ARHGEF10L: variants seen among roughly 807,000 people sequenced by gnomAD.
The protein encoded by ARHGEF10L is Rho guanine nucleotide exchange factor 10 like, also known as rho guanine nucleotide exchange factor 10-like protein.
Under a neutral mutation model 141.2 loss-of-function variants are expected in ARHGEF10L, and 69 were observed. The ratio of observed to expected loss-of-function variants is 0.49; its 90% CI spans 0.40 to 0.60. The LOEUF (loss-of-function observed/expected upper bound fraction) is 0.60, where lower values mean the gene tolerates loss of function less well. ARHGEF10L is among the 20% of genes least tolerant of loss of function. ARHGEF10L has a pLI of 0.00. For synonymous variants in ARHGEF10L, 711 were observed against 718.5 expected (o/e 0.99, Z 0.17); for missense variants, 1,482 against 1,734.3 (o/e 0.85, Z 2.58).
At chr1:17,592,078 C>T (rs1481363829) in intron 4 of ARHGEF10L, among the ~76,000 whole-genome samples, 1 of 152,172 alleles carries the variant, frequency 6.6e-6, no homozygotes, top group Non-Finnish European at 1.5e-5. Flanking sequence ...GCACTCATGT[C>T]CACCCTGAGC....
chr1:17,524,959 G>A, the ARHGEF10L span, among the ~76,000 whole-genome samples: 1 of 152,184 alleles, frequency 6.6e-6, no homozygotes, highest in Non-Finnish European at 1.5e-5. Flanking sequence ...CCCCTGCTCA[G>A]GCCTGCTCCC....
Position 17,625,390 on chromosome 1 carries a change from G to A in ARHGEF10L, c.1318-566G>A, listed in dbSNP as rs967447613. 6.6e-6 allele frequency among the ~76,000 whole-genome samples: 1 copy of A among 152,202 alleles called. No individual in the cohort carries two copies. The highest frequency in any genetic ancestry group is 2.4e-5 in the African/African-American group (1 of 41,450). On this transcript the variant is annotated intron_variant, in intron 13 of 28. Transcript: ENST00000361221. This position sits in a 1 kb window ranked among gnomAD's most constrained non-coding sequence, Gnocchi z 4.5. The stretch of plus-strand genomic sequence containing the variant: ...GGCTGAGTTCAGTTGGGTGGTTCTA[G>A]ACCTCCAGGCCCAGGGCCTAGGATG...
At chr1:17,570,907 A>C (rs1437367458) in intron 1 of ARHGEF10L, among the ~76,000 whole-genome samples, 1 of 151,964 alleles carries the variant, frequency 6.6e-6, no homozygotes, top group Non-Finnish European at 1.5e-5. Context: ...AGCTGGTGGG[A>C]TGGTGCTAGC....
intron 4 of ARHGEF10L, among the ~76,000 whole-genome samples, chr1:17,593,151 G>A (rs1278580021): frequency 3.3e-5 from 5 of 152,182 alleles, no homozygotes; most frequent in African/African-American, 7.2e-5. Flanking sequence ...ATGCCTTCAA[G>A]GAATCCTGTG....
At position 17,539,763 on chromosome 1, in the gene ARHGEF10L, G is replaced by T. The variant is rs1333020927; in HGVS notation, c.-231G>T. 7.5e-5 allele frequency: 11 copies of T among 146,538 alleles called. No individual in the cohort carries two copies. The South Asian group carries it at 2.0e-3, about 27-fold the overall frequency. 9.1% of individuals were successfully genotyped at this position (146,538 alleles called of 1,614,324 possible). ...CGCGGCGGGCGCGGGCGCAGTCCCG[G>T]CGGGCCCGGACCTCGCGGGCGGGCG... On this transcript the variant is annotated 5_prime_UTR_variant, in exon 1 of 29. Coordinates refer to ENST00000361221, the MANE Select transcript of ARHGEF10L (RefSeq NM_018125.4). This position sits in a 1 kb window ranked among gnomAD's most constrained non-coding sequence, Gnocchi z 6.0.
rs1427224576 is a variant in ARHGEF10L at position 17,623,088 on chromosome 1, C to T, written c.1113C>T (p.His371=). The part of the protein sequence containing the change: ...VVFFRVKEIL[H]CHSMFQIALS... ...TCTTCCGCGTGAAGGAGATCCTGCA[C>T]TGCCACTCCATGTTCCAGATCGCCC... is the stretch of plus-strand genomic sequence containing the variant. Residue 371 remains histidine (H), a synonymous_variant, in exon 12 of 29, where the codon CAC becomes CAT. Coordinates refer to ENST00000361221, the MANE Select transcript of ARHGEF10L (RefSeq NM_018125.4). This position sits in a 1 kb window ranked among gnomAD's most constrained non-coding sequence, Gnocchi z 4.7. The T allele has an allele frequency of 6.2e-7, 1 of 1,614,214 alleles. No individual in the cohort carries two copies.
Position 17,626,036 on chromosome 1 carries a change from A to C in ARHGEF10L, c.1398A>C (p.Ile466=), listed in dbSNP as rs725021. The change falls in exon 14 of 29, where the codon ATA becomes ATC. Residue 466 remains isoleucine (I), a synonymous_variant. Coordinates refer to ENST00000361221, the MANE Select transcript of ARHGEF10L (RefSeq NM_018125.4). ...VKPIQRFPQF[I]LLLQDMLKNT... ...CCATCCAGAGGTTCCCACAGTTCAT[A>C]CTCCTGCTTCAGGTACTGCTCAGGA... 11,860 of 1,613,460 alleles carry C rather than the reference A, an allele frequency of 7.4e-3. 764 individuals are homozygous for C. The African/African-American group carries it at 0.14, about 19-fold the overall frequency.
intron 26 of ARHGEF10L, among the ~76,000 whole-genome samples, chr1:17,681,099 T>C (rs187294680): frequency 6.6e-6 from 1 of 152,274 alleles, no homozygotes; most frequent in Admixed American, 6.5e-5. Flanking sequence ...TTTGAAAAAT[T>C]TCAAACTACA....
chr1:17,658,096 G>A (rs2062388729), intron 25 of ARHGEF10L, among the ~76,000 whole-genome samples: 1 of 152,248 alleles, frequency 6.6e-6, no homozygotes, highest in African/African-American at 2.4e-5. Context: ...CTTGCCTGTG[G>A]CAGCAGAACT....
chr1:17,581,396 C>T (rs2078553753), intron 2 of ARHGEF10L, among the ~76,000 whole-genome samples: 1 of 150,148 alleles, frequency 6.7e-6, no homozygotes, highest in Admixed American at 6.6e-5. Context: ...ATCTGAAATT[C>T]AAGTCTGTGT....
intron 9 of ARHGEF10L, among the ~76,000 whole-genome samples, chr1:17,618,039 T>C (rs1225617921): frequency 6.6e-6 from 1 of 152,212 alleles, no homozygotes; most frequent in African/African-American, 2.4e-5. Flanking sequence ...AGAGTGGGTG[T>C]GCACAGGCCT....
chr1:17,602,311 G>A, intron 5 of ARHGEF10L, 93 bp downstream of exon 5: 1 of 1,388,400 alleles, frequency 7.2e-7, no homozygotes, highest in Middle Eastern at 1.8e-4. Flanking sequence ...GTGGGCTCCT[G>A]TGAGCCCAGG....
chr1:17,631,009 G>A (rs2060651589), intron 15 of ARHGEF10L, among the ~76,000 whole-genome samples: 1 of 151,786 alleles, frequency 6.6e-6, no homozygotes, highest in African/African-American at 2.4e-5. Context: ...TTCTGTCCTG[G>A]GGATGCCCGG....
chr1:17,547,637 C>T (rs372895039), intron 1 of ARHGEF10L, among the ~76,000 whole-genome samples: 35 of 152,082 alleles, frequency 2.3e-4, no homozygotes, highest in Admixed American at 2.0e-3. Flanking sequence ...AACAGTCTCC[C>T]GAAATTGAAG....
Position 17,580,591 on chromosome 1 carries a change from G to T in ARHGEF10L, c.-5G>T, listed in dbSNP as rs1395927415. 2.5e-6 allele frequency: 4 copies of T among 1,614,076 alleles called. No individual in the cohort carries two copies. Among genetic ancestry groups the T allele is most frequent in the Non-Finnish European group, 3.4e-6 (4 of 1,180,044 alleles). The stretch of plus-strand genomic sequence containing the variant: ...ACGGTGCTGGTCTGAGCTGGACCTT[G>T]TCTGATGGCTTCCTCCAACCCTCCT... On this transcript the variant is annotated 5_prime_UTR_variant, in exon 2 of 29. Coordinates refer to ENST00000361221, the MANE Select transcript of ARHGEF10L (RefSeq NM_018125.4).
chr1:17,573,115 C>G lies in ARHGEF10L; in HGVS notation c.-43-7438C>G, dbSNP rs1274614013. On this transcript the variant is annotated intron_variant, in intron 1 of 28. Coordinates refer to ENST00000361221, the MANE Select transcript of ARHGEF10L (RefSeq NM_018125.4). The surrounding 1 kb of genome is among the most constrained non-coding windows in gnomAD (Gnocchi z 4.8). ...ACGCACATGGACCTCCCTTTCCCTGCCTGCCTCATCCTCCTGGGGGGCTTT... is the reference window on the plus strand; with the variant it reads ...ACGCACATGGACCTCCCTTTCCCTGGCTGCCTCATCCTCCTGGGGGGCTTT... Among the ~76,000 whole-genome samples the G allele has an allele frequency of 6.6e-6, 1 of 152,196 alleles. No homozygotes were observed. Among genetic ancestry groups the G allele is most frequent in the Non-Finnish European group, 1.5e-5 (1 of 68,032 alleles).
Position 17,619,078 on chromosome 1 carries a change from G to A in ARHGEF10L, c.836-261G>A, listed in dbSNP as rs545570757. On this transcript the variant is annotated intron_variant, in intron 9 of 28. Coordinates refer to ENST00000361221, the MANE Select transcript of ARHGEF10L (RefSeq NM_018125.4). The surrounding 1 kb of genome is among the most constrained non-coding windows in gnomAD (Gnocchi z 5.0). ...GCCGAGAACCCAGGCCCCACAGGAC[G>A]CAGCTTTGATTTCTGCCTGTTCACC... 1.4e-4 allele frequency among the ~76,000 whole-genome samples: 22 copies of A among 152,188 alleles called. No individual in the cohort carries two copies. The highest frequency in any genetic ancestry group is 5.3e-4 in the African/African-American group (22 of 41,502).
intron 26 of ARHGEF10L, among the ~76,000 whole-genome samples, chr1:17,665,061 A>C (rs2062884857): frequency 1.3e-5 from 2 of 152,194 alleles, no homozygotes; most frequent in South Asian, 2.1e-4. Flanking sequence ...AGGATGAGGG[A>C]CTGGTCTGGG....
At chr1:17,648,435 C>T in intron 21 of ARHGEF10L, 119 bp from the exon 22 acceptor site, 2 of 1,311,128 alleles carry the variant, frequency 1.5e-6, no homozygotes, top group East Asian at 2.5e-5. Flanking sequence ...TGGGGAGTGA[C>T]TGGATGGGGC....
Sources: allele counts gnomAD v4.1 joint callset (sites outside exome capture counted in the v4.1 genomes callset), GRCh38; gene constraint gnomAD v4.1.1; non-coding constraint Gnocchi (gnomAD v3.1); transcripts MANE v1.5; gene names NCBI Gene and HGNC (gene_info 2026-07-23, HGNC 2026-07-21).